Variants in PTPN21 observed in about 807,000 individuals in gnomAD.
PTPN21 encodes tyrosine-protein phosphatase non-receptor type 21.
A neutral mutation model predicts 131.8 loss-of-function variants in PTPN21; 77 were observed. The observed-to-expected ratio is 0.58, with a 90% CI of 0.49 to 0.71. The LOEUF is 0.71. Among genes scored for constraint, PTPN21 ranks in the 30% least tolerant of loss-of-function variants. The pLI, the probability that PTPN21 is intolerant of heterozygous loss-of-function variation, is 0.00. For synonymous variants in PTPN21, 715 were observed against 621.3 expected, an observed-to-expected ratio of 1.15 and a Z score of -2.24; for missense variants, 1,552 against 1,527.1, an observed-to-expected ratio of 1.02 and a Z score of -0.27.
intron 2 of PTPN21, among the ~76,000 whole-genome samples, chr14:88,532,878 C>T (rs976517721): frequency 2.0e-5 from 3 of 152,074 alleles, no homozygotes; most frequent in Non-Finnish European, 4.4e-5. Context: ...TAACTCCAAA[C>T]ATTAATTAGT....
chr14:88,500,906 A>G (rs1473242560), intron 7 of PTPN21, 35 bp from the exon 8 acceptor site: 1 of 1,485,758 alleles, frequency 6.7e-7, no homozygotes, highest in Non-Finnish European at 9.4e-7. Flanking sequence ...AACACCCAGG[A>G]AGCAGATGCA....
intron 2 of PTPN21, among the ~76,000 whole-genome samples, chr14:88,519,589 A>G (rs902049320): frequency 3.3e-5 from 5 of 152,202 alleles, no homozygotes; most frequent in African/African-American, 1.2e-4. Context: ...TTAATTTGCA[A>G]GGGAAAAGAT....
At chr14:88,471,688 T>TGG in intron 15 of PTPN21, among the ~76,000 whole-genome samples, 1 of 152,086 alleles carries the variant, frequency 6.6e-6, no homozygotes, top group Non-Finnish European at 1.5e-5. Context: ...GTGAACACCA[T>TGG]CAAAAAGCCC....
At position 88,469,948 on chromosome 14, in the gene PTPN21, T is replaced by A; in HGVS notation, c.2974A>T (p.Ile992Phe). The change falls in exon 16 of 19, where the codon ATT becomes TTT. Residue 992 changes from isoleucine (I) to phenylalanine (F), a missense_variant. Around this residue, in one of 4 missense-constraint regions of PTPN21, gnomAD observed 316 missense variants for 378.5 expected, o/e 0.83. Transcript: ENST00000556564. This position sits in a 1 kb window ranked among gnomAD's most constrained non-coding sequence, Gnocchi z 4.3. ...TCTTCTGCTGTCACCATTGCTATAA[T>A]TGCAATTCCCTGTTCCCATACCATC... ...WQMVWEQGIA[I>F]IAMVTAEEEG... 6.2e-7 allele frequency: 1 copy of A among 1,614,136 alleles called. No individual in the cohort carries two copies. The highest frequency in any genetic ancestry group is 8.5e-7 in the Non-Finnish European group (1 of 1,180,020).
chr14:88,535,354 G>A (rs953873854), intron 2 of PTPN21, among the ~76,000 whole-genome samples: 22 of 152,188 alleles, frequency 1.4e-4, no homozygotes, highest in Non-Finnish European at 1.2e-4. Context: ...TATTTCCCCC[G>A]GGTGACAATG....
intron 6 of PTPN21, among the ~76,000 whole-genome samples, chr14:88,502,238 T>G (rs1351854862): frequency 6.6e-6 from 1 of 152,164 alleles, no homozygotes; most frequent in Non-Finnish European, 1.5e-5. Flanking sequence ...TCCCAAACTC[T>G]GCATCTCTTC....
At chr14:88,539,400 C>T (rs919152340) in intron 2 of PTPN21, among the ~76,000 whole-genome samples, 1 of 152,024 alleles carries the variant, frequency 6.6e-6, no homozygotes, top group Non-Finnish European at 1.5e-5. Context: ...CAGGCATGCA[C>T]CACCATGGCC....
intron 3 of PTPN21, among the ~76,000 whole-genome samples, chr14:88,516,564 T>A (rs943126033): frequency 2.0e-5 from 3 of 152,138 alleles, no homozygotes; most frequent in Non-Finnish European, 4.4e-5. Flanking sequence ...CTCCTTAATA[T>A]CATCTTCCCT....
intron 10 of PTPN21, among the ~76,000 whole-genome samples, chr14:88,493,413 G>C (rs1208251680): frequency 6.6e-6 from 1 of 152,186 alleles, no homozygotes; most frequent in East Asian, 1.9e-4. Flanking sequence ...CAAAGGCCTG[G>C]GCTGGGGGCA....
intron 2 of PTPN21, among the ~76,000 whole-genome samples, chr14:88,524,661 C>A (rs765636562): frequency 6.6e-6 from 1 of 152,096 alleles, no homozygotes; most frequent in Admixed American, 6.6e-5. Context: ...AATCCTAGCA[C>A]TTTAGGAGGC....
chr14:88,488,863 A>G (rs913188408), intron 10 of PTPN21, among the ~76,000 whole-genome samples: 1 of 152,204 alleles, frequency 6.6e-6, no homozygotes, highest in Admixed American at 6.5e-5. Context: ...TACCAGCCCA[A>G]GTAAAATCAA....
At chr14:88,534,544 T>C (rs2078601897) in intron 2 of PTPN21, among the ~76,000 whole-genome samples, 1 of 152,160 alleles carries the variant, frequency 6.6e-6, no homozygotes, top group African/African-American at 2.4e-5. Flanking sequence ...ATTTAAAAGT[T>C]TGTAAAGCAA....
intron 10 of PTPN21, among the ~76,000 whole-genome samples, chr14:88,495,682 A>G (rs2077902346): frequency 6.6e-6 from 1 of 152,138 alleles, no homozygotes; most frequent in African/African-American, 2.4e-5. Flanking sequence ...CTGAGAAGAA[A>G]CAGCCTAGAA....
At chr14:88,548,542 T>A (rs1357811770) in intron 2 of PTPN21, among the ~76,000 whole-genome samples, 3 of 152,192 alleles carry the variant, frequency 2.0e-5, no homozygotes, top group African/African-American at 4.8e-5. Context: ...ACTTCCCTTA[T>A]CACAGCATGC....
intron 2 of PTPN21, among the ~76,000 whole-genome samples, chr14:88,521,049 GTTGC>G (rs2078383288): frequency 6.6e-6 from 1 of 151,914 alleles, no homozygotes; most frequent in African/African-American, 2.4e-5. Context: ...GTCTCACTAT[GTTGC>G]CCAGGCTGAT....
Position 88,497,299 on chromosome 14 carries a change from C to G in PTPN21, c.765-9G>C. Reference sequence around the variant, plus strand: ...TGGCAATGTCATGCCACCTAAAGAACAGCAAATAGAGAACTGGCAATGTGA... The same window carrying G: ...TGGCAATGTCATGCCACCTAAAGAAGAGCAAATAGAGAACTGGCAATGTGA... On this transcript the variant is annotated splice_polypyrimidine_tract_variant and intron_variant, in intron 8 of 18. Transcript: ENST00000556564. 6.2e-7 allele frequency: 1 copy of G among 1,606,688 alleles called. No individual in the cohort carries two copies. Among genetic ancestry groups the G allele is most frequent in the Non-Finnish European group, 8.5e-7 (1 of 1,173,378 alleles).
chr14:88,514,413 C>T (rs367784391), intron 3 of PTPN21, among the ~76,000 whole-genome samples: 1 of 150,634 alleles, frequency 6.6e-6, no homozygotes, highest in South Asian at 2.1e-4. Flanking sequence ...GTTAAGTCTG[C>T]ACTTTCTGAA....
intron 2 of PTPN21, among the ~76,000 whole-genome samples, chr14:88,549,536 G>A (rs933702359): frequency 1.3e-5 from 2 of 152,174 alleles, no homozygotes; most frequent in Admixed American, 6.5e-5. Flanking sequence ...GGGACACACA[G>A]TGAGTGGCCC....
intron 1 of PTPN21, among the ~76,000 whole-genome samples, chr14:88,554,325 G>A (rs1345311959): frequency 6.6e-6 from 1 of 152,112 alleles, no homozygotes; most frequent in Non-Finnish European, 1.5e-5. Flanking sequence ...AAAGTTATCT[G>A]GCGAATTTCA....
Sources: gnomAD v4.1 joint callset for allele counts (sites outside exome capture counted in the v4.1 genomes callset) on GRCh38, gnomAD v4.1.1 for gene constraint, gnomAD v4.1.1 regional missense constraint, Gnocchi (gnomAD v3.1) non-coding constraint, MANE v1.5 for transcripts, NCBI Gene and HGNC (gene_info 2026-07-23, HGNC 2026-07-21) for gene names.